Variants in ZNF618 observed in about 807,000 individuals in gnomAD.
ZNF618 encodes zinc finger protein 618.
In ZNF618, 34 loss-of-function variants were observed where a neutral mutation model predicts 103.0. The ratio of observed to expected loss-of-function variants is 0.33; its 90% CI spans 0.25 to 0.44. The LOEUF is 0.44. Among genes scored for constraint, ZNF618 ranks in the 20% least tolerant of loss-of-function variants. The pLI, the probability that ZNF618 is intolerant of heterozygous loss-of-function variation, is 1.00. For synonymous variants in ZNF618, 551 were observed against 542.2 expected, an observed-to-expected ratio of 1.02 and a Z score of -0.23; for missense variants, 1,059 against 1,295.4, an observed-to-expected ratio of 0.82 and a Z score of 2.80.
chr9:113,986,164 A>C (rs1839458326), intron 2 of ZNF618, among the ~76,000 whole-genome samples: 1 of 152,162 alleles, frequency 6.6e-6, no homozygotes, highest in South Asian at 2.1e-4. Flanking sequence ...TGTGCTGAGT[A>C]CTTTCCATGT....
intron 2 of ZNF618, among the ~76,000 whole-genome samples, chr9:113,969,578 G>A (rs1837753550): frequency 6.6e-6 from 1 of 152,220 alleles, no homozygotes; most frequent in Admixed American, 6.5e-5. Context: ...GCCAAAGCAG[G>A]GGATGGGATA....
chr9:113,999,144 C>T (rs1050718264), intron 4 of ZNF618, among the ~76,000 whole-genome samples: 2 of 152,220 alleles, frequency 1.3e-5, no homozygotes, highest in African/African-American at 4.8e-5. Context: ...TCTCACCTCC[C>T]TGGCCCCATC....
At chr9:113,992,579 C>T (rs553433899) in intron 3 of ZNF618, among the ~76,000 whole-genome samples, 1 of 152,228 alleles carries the variant, frequency 6.6e-6, no homozygotes, top group South Asian at 2.1e-4. Context: ...GTGCCCAGGG[C>T]CTCCTGAGTA....
intron 1 of ZNF618, among the ~76,000 whole-genome samples, chr9:113,964,370 C>T (rs1461434762): frequency 6.6e-6 from 1 of 152,190 alleles, no homozygotes; most frequent in Non-Finnish European, 1.5e-5. Context: ...ATTATGGGCG[C>T]CCCAGCATTC....
At chr9:114,014,260 G>C (rs1240258055) in intron 9 of ZNF618, among the ~76,000 whole-genome samples, 1 of 152,200 alleles carries the variant, frequency 6.6e-6, no homozygotes, top group Non-Finnish European at 1.5e-5. Flanking sequence ...GGCAAAGCTT[G>C]TGAGGTTGAT....
chr9:113,932,874 G>A (rs919975665), intron 1 of ZNF618, among the ~76,000 whole-genome samples: 6 of 152,150 alleles, frequency 3.9e-5, no homozygotes, highest in African/African-American at 9.7e-5. Flanking sequence ...GAGCGCAGGC[G>A]AGCAGTGGTC....
intron 10 of ZNF618, among the ~76,000 whole-genome samples, chr9:114,019,827 G>A (rs1016849448): frequency 3.3e-5 from 5 of 152,144 alleles, no homozygotes; most frequent in Admixed American, 6.5e-5. Flanking sequence ...ATCATTTGAT[G>A]AACAGATGTC....
intron 12 of ZNF618, 43 bp downstream of exon 12, chr9:114,032,771 G>A: frequency 6.4e-7 from 1 of 1,564,778 alleles, no homozygotes; most frequent in Non-Finnish European, 8.8e-7. Context: ...GTAGCTGCCA[G>A]CTTCGCCCGC....
chr9:113,987,914 C>CGTT (rs34160939), intron 2 of ZNF618, among the ~76,000 whole-genome samples: 1 of 151,860 alleles, frequency 6.6e-6, no homozygotes, highest in Non-Finnish European at 1.5e-5. Flanking sequence ...AGATCCCCCC[C>CGTT]AGCTGATCTG....
chr9:113,876,877 T>A (rs1828004026), intron 1 of ZNF618, among the ~76,000 whole-genome samples: 1 of 151,370 alleles, frequency 6.6e-6, no homozygotes, highest in South Asian at 2.1e-4. Flanking sequence ...ACAATCTTTT[T>A]TTTTAGGCCA....
At chr9:113,974,514 A>G (rs183944915) in intron 2 of ZNF618, among the ~76,000 whole-genome samples, 1 of 152,314 alleles carries the variant, frequency 6.6e-6, no homozygotes, top group East Asian at 1.9e-4. Flanking sequence ...GGAGGATGAG[A>G]TGTGATGATA....
At position 113,951,577 on chromosome 9, in the gene ZNF618, A is replaced by ACATGTGTGTG. The variant is rs1488977520; in HGVS notation, c.34-17540_34-17539insCATGTGTGTG. ...TGTGTGTGTATATGTGTGTGTGTAT[A>ACATGTGTGTG]TGTGTGTGTGTGTGTGTGTGTATAT... is the stretch of plus-strand genomic sequence containing the variant. On this transcript the variant is annotated intron_variant, in intron 1 of 14. Transcript: ENST00000374126. Among the ~76,000 whole-genome samples the ACATGTGTGTG allele has an allele frequency of 1.6e-4, 8 of 49,148 alleles. No individual in the cohort carries two copies. In the East Asian group the frequency reaches 4.5e-3, roughly 28 times the overall value. 32.2% of individuals were successfully genotyped at this position (49,148 alleles called of 152,430 possible). A position where few individuals can be genotyped will look rare whatever the true frequency, so the allele number is the denominator to read the frequency against.
intron 1 of ZNF618, among the ~76,000 whole-genome samples, chr9:113,915,801 C>T (rs759338408): frequency 2.6e-5 from 4 of 152,164 alleles, no homozygotes; most frequent in Middle Eastern, 3.4e-3. Flanking sequence ...TTCTTGTGGA[C>T]GACCCTGTAA....
intron 1 of ZNF618, among the ~76,000 whole-genome samples, chr9:113,961,296 C>A (rs1198087793): frequency 6.6e-6 from 1 of 152,218 alleles, no homozygotes; most frequent in Non-Finnish European, 1.5e-5. Context: ...CAATGCCTGT[C>A]CCCTTCACTG....
intron 2 of ZNF618, among the ~76,000 whole-genome samples, chr9:113,972,427 A>G (rs750516516): frequency 1.3e-5 from 2 of 152,194 alleles, no homozygotes; most frequent in Non-Finnish European, 2.9e-5. Context: ...TACAGATGAG[A>G]AAGCTGAGGC....
In ZNF618 at chr9:113,969,115, A is replaced by C; in HGVS notation, c.34-2A>C. ...TGTAGGTGTTTTGGGTTTCTTTTGC[A>C]GGCTGACGGAGCCAGTGCAGCCGGA... On this transcript the variant is annotated splice_acceptor_variant, in intron 1 of 14. Coordinates refer to ENST00000374126, the MANE Select transcript of ZNF618 (RefSeq NM_001318042.2). LOFTEE classifies it high-confidence loss of function. The C allele has an allele frequency of 1.2e-6, 2 of 1,613,958 alleles. No homozygotes were observed. The highest frequency in any genetic ancestry group is 8.5e-7 in the Non-Finnish European group (1 of 1,179,874).
Position 114,050,199 on chromosome 9 carries a change from G to A in ZNF618, c.*32G>A. On this transcript the variant is annotated 3_prime_UTR_variant, in exon 15 of 15. Transcript: ENST00000374126. Reference sequence around the variant, plus strand: ...ACTTCGGGGGAAAAAAAAAGAAAAAGAGAAGATAACATTAGAAAAAAACCA... The same window carrying A: ...ACTTCGGGGGAAAAAAAAAGAAAAAAAGAAGATAACATTAGAAAAAAACCA... The A allele has an allele frequency of 6.6e-7, 1 of 1,513,762 alleles. No individual in the cohort carries two copies. Among genetic ancestry groups the A allele is most frequent in the Non-Finnish European group, 8.8e-7 (1 of 1,140,274 alleles). 93.8% of individuals were successfully genotyped at this position (1,513,762 alleles called of 1,614,324 possible).
chr9:113,882,832 G>A (rs1326624018), intron 1 of ZNF618, among the ~76,000 whole-genome samples: 1 of 152,132 alleles, frequency 6.6e-6, no homozygotes, highest in Non-Finnish European at 1.5e-5. Flanking sequence ...TCTGCTTCGT[G>A]AGAAACCAGA....
chr9:113,916,070 GTC>G (rs1038533098), intron 1 of ZNF618, among the ~76,000 whole-genome samples: 1 of 103,090 alleles, frequency 9.7e-6, no homozygotes, highest in Non-Finnish European at 2.2e-5. Context: ...ATGCGCGTGT[GTC>G]TGTGTGTGTG....
Sources: allele counts gnomAD v4.1 joint callset (sites outside exome capture counted in the v4.1 genomes callset), GRCh38; gene constraint gnomAD v4.1.1; transcripts MANE v1.5; gene names NCBI Gene and HGNC (gene_info 2026-07-23, HGNC 2026-07-21).